Variants in SUPT20H observed in about 807,000 individuals in gnomAD.
SUPT20H encodes the protein transcription factor SPT20 homolog.
In SUPT20H, 82 loss-of-function variants were observed where a neutral mutation model predicts 122.8. That is an observed-to-expected ratio of 0.67 (90% CI 0.56 to 0.80). SUPT20H has a LOEUF of 0.80. SUPT20H is among the 30% of genes least tolerant of loss of function. The pLI is 0.00. For missense variants in SUPT20H, 831 were observed against 921.6 expected (o/e 0.90, Z 1.27); for synonymous variants, 291 against 313.0 (o/e 0.93, Z 0.74).
intron 7 of SUPT20H, among the ~76,000 whole-genome samples, chr13:37,042,745 G>T (rs983524102): frequency 2.0e-5 from 3 of 152,184 alleles, no homozygotes; most frequent in Non-Finnish European, 4.4e-5. Context: ...GAAAGAATGG[G>T]ATCTGCAAAA....
At chr13:37,015,541 G>A (rs972445382) in intron 23 of SUPT20H, among the ~76,000 whole-genome samples, 2 of 151,756 alleles carry the variant, frequency 1.3e-5, no homozygotes, top group African/African-American at 2.4e-5. Flanking sequence ...ACAAGAGTTG[G>A]CGAGGATTTG....
At chr13:37,018,876 T>C (rs1000221399) in intron 22 of SUPT20H, among the ~76,000 whole-genome samples, 1 of 152,156 alleles carries the variant, frequency 6.6e-6, no homozygotes, top group Non-Finnish European at 1.5e-5. Context: ...CTCGAACTCC[T>C]GAGCTCAAGC....
intron 1 of SUPT20H, among the ~76,000 whole-genome samples, chr13:37,054,534 G>A (rs1252236164): frequency 6.6e-6 from 1 of 152,216 alleles, no homozygotes; most frequent in Non-Finnish European, 1.5e-5. Context: ...TATCTCAATA[G>A]ATGCAGAAAA....
chr13:37,024,069 A>G lies in SUPT20H; in HGVS notation c.1557T>C (p.Ser519=). The G allele has an allele frequency of 6.2e-7, 1 of 1,613,324 alleles. No individual in the cohort carries two copies. The highest frequency in any genetic ancestry group is 1.1e-5 in the South Asian group (1 of 90,922). ...SVDLNQVSML[S]PAALSPASSS... ...AGCTGGCAGGTGATAGGGCAGCTGG[A>G]GAAAGCATGCTAACTTGATTGAGAT... The change falls in exon 19 of 26, where the codon TCT becomes TCC. Residue 519 remains serine, a synonymous_variant. Coordinates refer to ENST00000350612, the MANE Select transcript of SUPT20H (RefSeq NM_001014286.3).
chr13:37,020,342 A>G (rs1398898666), intron 21 of SUPT20H, among the ~76,000 whole-genome samples: 1 of 152,174 alleles, frequency 6.6e-6, no homozygotes, highest in Non-Finnish European at 1.5e-5. Context: ...CCCCCTTTTA[A>G]AAGTGGATGA....
At chr13:37,045,573 A>C (rs1296575266) in intron 5 of SUPT20H, among the ~76,000 whole-genome samples, 200 bp from the exon 6 acceptor site, 1 of 152,194 alleles carries the variant, frequency 6.6e-6, no homozygotes, top group Non-Finnish European at 1.5e-5. Context: ...ATTTACTACT[A>C]TGTTTTATGC....
intron 15 of SUPT20H, 34 bp from the exon 16 acceptor site, chr13:37,026,270 G>A (rs1214889593): frequency 2.1e-6 from 3 of 1,434,920 alleles, no homozygotes; most frequent in Non-Finnish European, 2.8e-6. Flanking sequence ...GGAGAGAAAA[G>A]TATTAGGTAA....
chr13:37,041,713 A>G (rs1690319765), intron 7 of SUPT20H, among the ~76,000 whole-genome samples: 1 of 152,172 alleles, frequency 6.6e-6, no homozygotes, highest in African/African-American at 2.4e-5. Flanking sequence ...ATAAATATTT[A>G]CTGAGCAACT....
In SUPT20H at chr13:37,031,884, C is replaced by T. The variant is rs1437965279; in HGVS notation, c.719G>A (p.Arg240Lys). 4.4e-6 allele frequency: 7 copies of T among 1,581,374 alleles called. No homozygotes were observed. In the South Asian group the frequency reaches 8.2e-5, roughly 19 times the overall value. The change falls in exon 11 of 26, where the codon AGG becomes AAG. Residue 240 changes from arginine (R) to lysine (K), a missense_variant. By Grantham distance (26) the Arg-to-Lys change is conservative. Transcript: ENST00000350612. ...CCGATTCAGAGAGGATCTGGAATAC[C>T]TCTTGAAACACCTGAAATATTAAGA... ...NTRPMKRCFK[R>K]YSRSSLNRQQ...
intron 9 of SUPT20H, among the ~76,000 whole-genome samples, chr13:37,036,473 C>T (rs1048920163): frequency 2.0e-5 from 3 of 152,022 alleles, no homozygotes; most frequent in Admixed American, 6.6e-5. Flanking sequence ...TACAAGCGCA[C>T]GCCACCATGT....
intron 9 of SUPT20H, among the ~76,000 whole-genome samples, chr13:37,033,797 A>T (rs1048775296): frequency 6.6e-6 from 1 of 152,200 alleles, no homozygotes; most frequent in African/African-American, 2.4e-5. Context: ...ATGCAGGTAT[A>T]CCTCATTTTA....
Position 37,031,609 on chromosome 13 carries a change from C to A in SUPT20H, c.879G>T (p.Trp293Cys). The A allele has an allele frequency of 6.4e-7, 1 of 1,562,168 alleles. No homozygotes were observed. Among genetic ancestry groups the A allele is most frequent in the Non-Finnish European group, 8.6e-7 (1 of 1,162,738 alleles). ...ISKAGNCVDM[W>C]KRSPCNLAIP... Reference sequence around the variant, plus strand: ...TGGCCAAATTACAGGGACTCCGTTTCCACATATCTACACACTGAAAAATTA... The same window carrying A: ...TGGCCAAATTACAGGGACTCCGTTTACACATATCTACACACTGAAAAATTA... Residue 293 changes from tryptophan (W) to cysteine (C), a missense_variant, in exon 12 of 26, where the codon TGG (tryptophan) becomes TGT (cysteine). Trp to Cys is a radical substitution (Grantham distance 215). Transcript: ENST00000350612.
At chr13:37,053,485 G>C (rs1384680006) in intron 1 of SUPT20H, among the ~76,000 whole-genome samples, 1 of 151,370 alleles carries the variant, frequency 6.6e-6, no homozygotes, top group African/African-American at 2.4e-5. Context: ...AGACCACATG[G>C]ACACAGGGAG....
intron 22 of SUPT20H, among the ~76,000 whole-genome samples, chr13:37,017,875 C>T (rs151219805): frequency 7.2e-5 from 11 of 152,172 alleles, no homozygotes; most frequent in African/African-American, 2.4e-4. Context: ...TTCTGTAGAC[C>T]ACTACTTTCT....
intron 9 of SUPT20H, chr13:37,040,157 A>C (rs1279274243): frequency 8.2e-6 from 3 of 364,766 alleles, no homozygotes; most frequent in African/African-American, 4.2e-5. Flanking sequence ...GAGATAAAGA[A>C]CTAAGTTTTA....
At position 37,040,589 on chromosome 13, in the gene SUPT20H, CG is replaced by C. The variant is rs747499274; in HGVS notation, c.499del (p.Arg167ValfsTer7). 1 of 1,613,706 alleles carries C rather than the reference CG, an allele frequency of 6.2e-7. No individual in the cohort carries two copies. The highest frequency in any genetic ancestry group is 1.1e-5 in the South Asian group (1 of 91,042). On this transcript the variant is annotated frameshift_variant, in exon 8 of 26. Coordinates refer to ENST00000350612, the MANE Select transcript of SUPT20H (RefSeq NM_001014286.3). LOFTEE classifies it high-confidence loss of function. The part of the protein sequence containing the change: ...PGYQSRHILL[R>X]PTMQTLICDV... ...AAACATCCTTACCTGCATTGTTGGA[CG>C]TAAGAGAATGTGCCGACTTTGGTAA...
chr13:37,026,910 ATGAC>A, intron 14 of SUPT20H, 94 bp from the exon 15 acceptor site: 1 of 773,254 alleles, frequency 1.3e-6, no homozygotes, highest in Non-Finnish European at 1.9e-6. Flanking sequence ...ATATGGAAGA[ATGAC>A]TGGAAGATAA....
chr13:37,028,353 G>A (rs768607110), intron 13 of SUPT20H, 48 bp from the exon 14 acceptor site: 5 of 1,533,880 alleles, frequency 3.3e-6, no homozygotes, highest in Non-Finnish European at 3.5e-6. Context: ...AAGTAGGCAG[G>A]CAATAAGAAT....
rs1159932923 is a variant in SUPT20H at position 37,010,594 on chromosome 13, G to A, written c.2160C>T (p.Phe720=). ...RPEQSLPQQR[F]QLSSAFQQQQ... The stretch of plus-strand genomic sequence containing the variant: ...GCTGTTGAAAGGCAGAGGAGAGCTG[G>A]AATCTCTGCTGAGGAAGGCTTTGCT... The change falls in exon 25 of 26, where the codon TTC becomes TTT. Residue 720 remains phenylalanine (F), a synonymous_variant. Coordinates refer to ENST00000350612, the MANE Select transcript of SUPT20H (RefSeq NM_001014286.3). 1 of 1,613,806 alleles carries A rather than the reference G, an allele frequency of 6.2e-7. No homozygotes were observed. Among genetic ancestry groups the A allele is most frequent in the East Asian group, 2.2e-5 (1 of 44,886 alleles).
Sources: allele counts gnomAD v4.1 joint callset (sites outside exome capture counted in the v4.1 genomes callset), GRCh38; gene constraint gnomAD v4.1.1; transcripts MANE v1.5; gene names NCBI Gene and HGNC (gene_info 2026-07-23, HGNC 2026-07-21).